The following NRG1 variants were observed in gnomAD, a reference collection of about 807,000 sequenced individuals.
NRG1 encodes neuregulin 1, also known as pro-neuregulin-1, membrane-bound isoform.
NRG1 carries 18 observed loss-of-function variants against 63.8 expected under a neutral mutation model. The observed-to-expected ratio is 0.28, with a 90% CI of 0.19 to 0.42. NRG1 has a LOEUF of 0.42. NRG1 is among the 10% of genes least tolerant of loss of function. The pLI, the probability that NRG1 is intolerant of heterozygous loss-of-function variation, is 1.00. For missense variants in NRG1, 762 were observed against 814.7 expected (o/e 0.94, Z 0.79); for synonymous variants, 302 against 301.3 (o/e 1.00, Z -0.02).
intron 1 of NRG1, among the ~76,000 whole-genome samples, chr8:31,653,043 C>T (rs1002382560): frequency 7.6e-6 from 1 of 132,114 alleles, no homozygotes; most frequent in South Asian, 2.8e-4. Context: ...CCCTCCCCTC[C>T]TCTCCTCTCC....
rs189332657 is a variant in NRG1 at position 32,643,622 on chromosome 8, C to T, written c.502+26737C>T. Among the ~76,000 whole-genome samples, 489 of 152,230 alleles carry T rather than the reference C, an allele frequency of 3.2e-3. 2 individuals are homozygous for T. Among genetic ancestry groups the T allele is most frequent in the African/African-American group, 0.011 (454 of 41,542 alleles). ...CCAGTAAACCTACAGAATAAAATGG[C>T]GGTTGTTGTAAGCTATTTCCAGGTG... On this transcript the variant is annotated intron_variant, in intron 5 of 11. Coordinates refer to ENST00000356819, the Ensembl canonical transcript of NRG1.
chr8:32,210,008 C>A (rs1036000712), intron 1 of NRG1, among the ~76,000 whole-genome samples: 1 of 152,084 alleles, frequency 6.6e-6, no homozygotes, highest in Admixed American at 6.6e-5. Flanking sequence ...TCAGATTTAT[C>A]TTCTGTAAAT....
intron 1 of NRG1, among the ~76,000 whole-genome samples, chr8:32,230,833 G>C (rs1265504101): frequency 6.6e-6 from 1 of 151,854 alleles, no homozygotes; most frequent in Non-Finnish European, 1.5e-5. Flanking sequence ...GGCAATTGGG[G>C]TGTCCATCAC....
chr8:32,178,650 A>G (rs1293374037), intron 1 of NRG1, among the ~76,000 whole-genome samples: 2 of 152,130 alleles, frequency 1.3e-5, no homozygotes, highest in Non-Finnish European at 2.9e-5. Flanking sequence ...GGTGGAGAAT[A>G]GACTGTCCAT....
At chr8:32,144,461 C>T (rs1836649923) in intron 1 of NRG1, among the ~76,000 whole-genome samples, 1 of 152,042 alleles carries the variant, frequency 6.6e-6, no homozygotes, top group Non-Finnish European at 1.5e-5. Flanking sequence ...ATTCTTGTTT[C>T]ATCGTCTAGA....
intron 5 of NRG1, among the ~76,000 whole-genome samples, chr8:32,707,043 G>A (rs1427101794): frequency 6.6e-6 from 1 of 151,796 alleles, no homozygotes; most frequent in African/African-American, 2.4e-5. Context: ...TCTAAAAAAT[G>A]TAAAAAGAAA....
intron 1 of NRG1, among the ~76,000 whole-genome samples, chr8:31,701,156 A>G (rs1157743417): frequency 6.6e-6 from 1 of 152,114 alleles, no homozygotes; most frequent in South Asian, 2.1e-4. Flanking sequence ...ACATGTAGTG[A>G]GAGCATATAC....
intron 1 of NRG1, among the ~76,000 whole-genome samples, chr8:31,782,754 G>A (rs180777242): frequency 2.0e-5 from 3 of 152,072 alleles, no homozygotes; most frequent in South Asian, 2.1e-4. Context: ...CATGTGAATC[G>A]ACAGAGGATC....
At chr8:31,660,088 T>A (rs1805824576) in intron 1 of NRG1, among the ~76,000 whole-genome samples, 1 of 152,242 alleles carries the variant, frequency 6.6e-6, no homozygotes, top group Admixed American at 6.5e-5. Context: ...GAAAGTATTC[T>A]TATATACTAC....
chr8:32,405,670 T>G (rs1332960527), intron 1 of NRG1, among the ~76,000 whole-genome samples: 1 of 152,202 alleles, frequency 6.6e-6, no homozygotes, highest in Non-Finnish European at 1.5e-5. Context: ...CCTATGATAA[T>G]CAGGTAATCT....
chr8:32,001,731 C>G (rs1038231050), intron 1 of NRG1, among the ~76,000 whole-genome samples: 1 of 151,948 alleles, frequency 6.6e-6, no homozygotes, highest in African/African-American at 2.4e-5. Context: ...AGCAGGGATA[C>G]TGATGTTTTC....
chr8:32,551,702 G>T (rs1588240641), intron 1 of NRG1, among the ~76,000 whole-genome samples: 1 of 151,930 alleles, frequency 6.6e-6, no homozygotes, highest in Non-Finnish European at 1.5e-5. Flanking sequence ...GCTCTAATAG[G>T]TCCCAAGCCC....
chr8:31,912,812 C>T (rs748235806), intron 1 of NRG1, among the ~76,000 whole-genome samples: 10 of 152,028 alleles, frequency 6.6e-5, no homozygotes, highest in Non-Finnish European at 1.2e-4. Context: ...AGGGAAGCTA[C>T]CGTTTAAACC....
chr8:31,733,678 T>G (rs1277146663), intron 1 of NRG1, among the ~76,000 whole-genome samples: 1 of 152,140 alleles, frequency 6.6e-6, no homozygotes, highest in Non-Finnish European at 1.5e-5. Flanking sequence ...GGACAGAGTG[T>G]GAAGGCTTGC....
intron 1 of NRG1, among the ~76,000 whole-genome samples, chr8:32,133,742 T>C (rs2131652817): frequency 6.6e-6 from 1 of 152,290 alleles, no homozygotes; most frequent in Middle Eastern, 3.4e-3. Context: ...GTTTTGCTAA[T>C]ATGTTTTTCT....
At chr8:31,723,899 A>G (rs548094048) in intron 1 of NRG1, among the ~76,000 whole-genome samples, 16 of 152,218 alleles carry the variant, frequency 1.1e-4, no homozygotes, top group African/African-American at 3.9e-4. Flanking sequence ...CTTTTGTCAT[A>G]TAGTGGAGAA....
intron 1 of NRG1, among the ~76,000 whole-genome samples, chr8:32,066,559 G>A (rs1824854163): frequency 6.6e-6 from 1 of 151,948 alleles, no homozygotes; most frequent in Non-Finnish European, 1.5e-5. Flanking sequence ...CTCTGTTTTG[G>A]TACCAGTACC....
At chr8:32,139,721 C>T (rs1461745429) in intron 1 of NRG1, among the ~76,000 whole-genome samples, 1 of 152,018 alleles carries the variant, frequency 6.6e-6, no homozygotes, top group African/African-American at 2.4e-5. Context: ...AGGACTTACC[C>T]ACGTAACCGA....
chr8:32,011,866 C>A (rs1460685069), intron 1 of NRG1, among the ~76,000 whole-genome samples: 1 of 152,052 alleles, frequency 6.6e-6, no homozygotes, highest in Non-Finnish European at 1.5e-5. Context: ...TTTGTGCTTA[C>A]TTTTAAGTGA....
Sources: gnomAD v4.1 joint callset for allele counts (sites outside exome capture counted in the v4.1 genomes callset) on GRCh38, gnomAD v4.1.1 for gene constraint, MANE v1.5 for transcripts, NCBI Gene and HGNC (gene_info 2026-07-23, HGNC 2026-07-21) for gene names.